Variants in F13B observed in about 807,000 individuals in gnomAD.
F13B encodes coagulation factor XIII B chain, also known as TGase.
F13B carries 58 observed loss-of-function variants against 79.8 expected under a neutral mutation model. The observed-to-expected ratio is 0.73, with a 90% CI of 0.59 to 0.90. The LOEUF is 0.90. F13B is among the 40% of genes least tolerant of loss of function. The pLI is 0.00. For synonymous variants in F13B, 283 were observed against 260.3 expected (o/e 1.09, Z -0.84); for missense variants, 773 against 777.0 (o/e 0.99, Z 0.06).
At chr1:197,050,360 A>G (rs1426835231) in intron 10 of F13B, among the ~76,000 whole-genome samples, 1 of 152,070 alleles carries the variant, frequency 6.6e-6, no homozygotes, top group African/African-American at 2.4e-5. Context: ...ATTGTTTTCT[A>G]TTATACATGT....
intron 3 of F13B, among the ~76,000 whole-genome samples, chr1:197,061,277 AAAATT>A (rs1655852305): frequency 6.6e-6 from 1 of 152,108 alleles, no homozygotes; most frequent in Non-Finnish European, 1.5e-5. Flanking sequence ...TTCTGTTTTT[AAAATT>A]CTAGTCTACA....
intron 2 of F13B, 117 bp from the exon 3 acceptor site, chr1:197,062,086 G>C (rs1655885025): frequency 1.1e-6 from 1 of 881,510 alleles, no homozygotes; most frequent in Admixed American, 2.3e-5. Flanking sequence ...GGAAATATCT[G>C]CATAATTTTT....
At chr1:197,052,912 T>C in intron 8 of F13B, 78 bp from the exon 9 acceptor site, 1 of 1,144,184 alleles carries the variant, frequency 8.7e-7, no homozygotes, top group Non-Finnish European at 1.3e-6. Flanking sequence ...ACAAAAATTA[T>C]GACAAGTTTC....
rs150497300 is a variant in F13B, at chr1:197,057,381, A to G, written c.890T>C (p.Ile297Thr). 1.4e-5 allele frequency: 23 copies of G among 1,613,836 alleles called. No individual in the cohort carries two copies. The Admixed American group carries it at 3.0e-4, about 21-fold the overall frequency. The change falls in exon 6 of 12, where the codon ATA becomes ACA. Residue 297 changes from isoleucine to threonine, a missense_variant. Coordinates refer to ENST00000367412, the MANE Select transcript of F13B (RefSeq NM_001994.3). Reference sequence around the variant, plus strand: ...ATTAAGTTCACATTCTATATGAACTATTTCTCCATGACGATAAGTTGTTGA... The same window carrying G: ...ATTAAGTTCACATTCTATATGAACTGTTTCTCCATGACGATAAGTTGTTGA... ...THSTTYRHGEIVHIECELNFE... is the reference protein window; with the variant it reads ...THSTTYRHGETVHIECELNFE...
At chr1:197,054,444 ACT>A (rs1655561276) in intron 8 of F13B, among the ~76,000 whole-genome samples, 1 of 152,082 alleles carries the variant, frequency 6.6e-6, no homozygotes, top group African/African-American at 2.4e-5. Flanking sequence ...CCTAAGAATT[ACT>A]TGAAAGGTGG....
At chr1:197,049,488 G>T (rs1473573045) in intron 10 of F13B, among the ~76,000 whole-genome samples, 1 of 152,026 alleles carries the variant, frequency 6.6e-6, no homozygotes, top group African/African-American at 2.4e-5. Context: ...CAATGTAGTT[G>T]TAATGAACCA....
In F13B at chr1:197,057,067, A is replaced by G. The variant is rs778460584; in HGVS notation, c.1117T>C (p.Ser373Pro). The G allele has an allele frequency of 2.5e-6, 4 of 1,613,804 alleles. No homozygotes were observed. In the South Asian group the frequency reaches 4.4e-5, roughly 18 times the overall value. ...CCACGATTACAAGTTATCTCATTCG[A>G]TCCATGGAGAAGGTAGCCGCTTTTA... is the stretch of plus-strand genomic sequence containing the variant. ...ACKSGYLLHG[S>P]NEITCNRGKW... Residue 373 changes from serine to proline, a missense_variant, in exon 7 of 12, where the codon TCG (serine) becomes CCG (proline). Ser to Pro is a moderately conservative substitution (Grantham distance 74). Transcript: ENST00000367412.
chr1:197,040,054 A>G (rs1292934666), intron 11 of F13B: 1 of 154,582 alleles, frequency 6.5e-6, no homozygotes, highest in Admixed American at 6.5e-5. Context: ...CAGAGGATAT[A>G]TTTTTTAAAC....
chr1:197,057,387 C>A lies in F13B; in HGVS notation c.884G>T (p.Gly295Val). 6.2e-7 allele frequency: 1 copy of A among 1,613,926 alleles called. No individual in the cohort carries two copies. Among genetic ancestry groups the A allele is most frequent in the Non-Finnish European group, 8.5e-7 (1 of 1,179,928 alleles). Residue 295 changes from glycine to valine, a missense_variant, in exon 6 of 12, where the codon GGA becomes GTA. Physicochemically the swap from Gly to Val is moderately radical, Grantham distance 109. Transcript: ENST00000367412. ...IQTHSTTYRHGEIVHIECELN... is the reference protein window; with the variant it reads ...IQTHSTTYRHVEIVHIECELN... ...TTCACATTCTATATGAACTATTTCT[C>A]CATGACGATAAGTTGTTGAATGTGT...
intron 10 of F13B, among the ~76,000 whole-genome samples, chr1:197,048,368 G>T (rs1655316397): frequency 6.6e-6 from 1 of 151,600 alleles, no homozygotes; most frequent in African/African-American, 2.4e-5. Flanking sequence ...TTAAAATAAG[G>T]TATATATTGC....
intron 8 of F13B, among the ~76,000 whole-genome samples, chr1:197,054,881 A>G (rs1474028017): frequency 1.3e-5 from 2 of 151,994 alleles, no homozygotes; most frequent in African/African-American, 4.8e-5. Context: ...AAAATTCCTG[A>G]TCTCATGATA....
chr1:197,051,418 T>C (rs550460329), intron 9 of F13B, among the ~76,000 whole-genome samples: 1 of 152,158 alleles, frequency 6.6e-6, no homozygotes, highest in Non-Finnish European at 1.5e-5. Context: ...GATTTCTGTA[T>C]ATATTATTTT....
In F13B at chr1:197,060,519, A is replaced by C; in HGVS notation, c.652T>G (p.Leu218Val). ...CTKLKCSSLRLIENGYFHPVK... is the reference protein window; with the variant it reads ...CTKLKCSSLRVIENGYFHPVK... ...GGATGAAAATAACCATTTTCAATTA[A>C]TCTTAAAGAAGAGCACTTTAATTCT... Residue 218 changes from leucine to valine, a missense_variant, in exon 5 of 12, where the codon TTA becomes GTA. Transcript: ENST00000367412. The C allele has an allele frequency of 6.3e-7, 1 of 1,595,836 alleles. No homozygotes were observed. Among genetic ancestry groups the C allele is most frequent in the East Asian group, 2.2e-5 (1 of 44,634 alleles).
In F13B at chr1:197,042,817, T is replaced by TA. The variant is rs896748673; in HGVS notation, c.1739-2083dup. On this transcript the variant is annotated intron_variant, in intron 10 of 11. Coordinates refer to ENST00000367412, the MANE Select transcript of F13B (RefSeq NM_001994.3). ...GCCTGGGCAACAAAAGGAGACTGTC[T>TA]AAAAAAAAAAAAAAATTCTATGTGC... is the stretch of plus-strand genomic sequence containing the variant. Among the ~76,000 whole-genome samples, 463 of 134,174 alleles carry TA rather than the reference T, an allele frequency of 3.5e-3. 1 individual carries two copies. Among genetic ancestry groups the TA allele is most frequent in the South Asian group, 8.4e-3 (34 of 4,052 alleles). The allele number at this position is 134,174 out of a possible 152,430, so 88.0% of individuals were successfully genotyped here.
In F13B at chr1:197,062,869, G is replaced by A. The variant is rs1655914715; in HGVS notation, c.253C>T (p.Pro85Ser). 6.2e-7 allele frequency: 1 copy of A among 1,613,754 alleles called. No homozygotes were observed. The highest frequency in any genetic ancestry group is 1.3e-5 in the African/African-American group (1 of 75,022). The change falls in exon 2 of 12, where the codon CCA becomes TCA. Residue 85 changes from proline (P) to serine (S), a missense_variant. Coordinates refer to ENST00000367412, the MANE Select transcript of F13B (RefSeq NM_001994.3). ...TCTTEGWSPEPRCFKKCTKPD... is the reference protein window; with the variant it reads ...TCTTEGWSPESRCFKKCTKPD... ...CCAGCTGACTTACTGAAGCACCTTG[G>A]CTCTGGAGACCAGCCTTCTGTTGTA...
At chr1:197,054,949 A>G (rs1270804304) in intron 8 of F13B, among the ~76,000 whole-genome samples, 1 of 152,078 alleles carries the variant, frequency 6.6e-6, no homozygotes, top group East Asian at 1.9e-4. Context: ...TTGAAAGTGT[A>G]CTGTTTGGAA....
intron 1 of F13B, among the ~76,000 whole-genome samples, chr1:197,065,980 T>G (rs1656032985): frequency 7.4e-6 from 1 of 134,660 alleles, no homozygotes; most frequent in South Asian, 2.7e-4. Context: ...ATTGTCTTGG[T>G]CTTCAAGCAG....
At chr1:197,045,046 A>G (rs1398459511) in intron 10 of F13B, among the ~76,000 whole-genome samples, 1 of 152,202 alleles carries the variant, frequency 6.6e-6, no homozygotes, top group African/African-American at 2.4e-5. Flanking sequence ...AATGCCCACA[A>G]GAGAATGCAG....
intron 10 of F13B, among the ~76,000 whole-genome samples, chr1:197,048,965 C>G (rs1213015007): frequency 6.6e-6 from 1 of 151,800 alleles, no homozygotes; most frequent in African/African-American, 2.4e-5. Flanking sequence ...CAAAAGAAAA[C>G]TAGAAAATCC....
Sources: allele counts gnomAD v4.1 joint callset (sites outside exome capture counted in the v4.1 genomes callset), GRCh38; gene constraint gnomAD v4.1.1; transcripts MANE v1.5; gene names NCBI Gene and HGNC (gene_info 2026-07-23, HGNC 2026-07-21).